PHLPP1: variants seen among roughly 807,000 people sequenced by gnomAD.
The protein encoded by PHLPP1 is PH domain leucine-rich repeat-containing protein phosphatase 1.
PHLPP1 carries 42 observed loss-of-function variants against 117.2 expected under a neutral mutation model. The ratio of observed to expected loss-of-function variants is 0.36; its 90% confidence interval spans 0.28 to 0.46. The LOEUF (loss-of-function observed/expected upper bound fraction) is 0.46, where lower values mean the gene tolerates loss of function less well. Ranked by LOEUF, PHLPP1 falls within the 20% of genes least tolerant of loss-of-function variation. The pLI is 1.00. For missense variants in PHLPP1, 2,084 were observed against 2,241.9 expected (o/e 0.93, Z 1.42); for synonymous variants, 1,042 against 970.7 (o/e 1.07, Z -1.37).
chr18:62,912,158 C>A (rs1443503790), intron 8 of PHLPP1, among the ~76,000 whole-genome samples: 4 of 89,698 alleles, frequency 4.5e-5, no homozygotes, highest in Non-Finnish European at 6.2e-5. Flanking sequence ...GTGGTGGGGT[C>A]GGGGGAGGGG....
At chr18:62,809,624 C>T (rs1009719853) in intron 1 of PHLPP1, among the ~76,000 whole-genome samples, 9 of 152,080 alleles carry the variant, frequency 5.9e-5, no homozygotes, top group Non-Finnish European at 1.2e-4. Context: ...ATCACTTGAA[C>T]CTGGGAGGCG....
intron 1 of PHLPP1, among the ~76,000 whole-genome samples, chr18:62,781,204 A>G (rs1913109450): frequency 6.6e-6 from 1 of 152,302 alleles, no homozygotes; most frequent in Non-Finnish European, 1.5e-5. Context: ...GCTTAAGTAA[A>G]TTAGATAAGG....
intron 11 of PHLPP1, among the ~76,000 whole-genome samples, chr18:62,942,628 G>A (rs1910161616): frequency 6.6e-6 from 1 of 152,078 alleles, no homozygotes; most frequent in Non-Finnish European, 1.5e-5. Flanking sequence ...GAGTGAATCT[G>A]CGTGCTGAGC....
intron 3 of PHLPP1, among the ~76,000 whole-genome samples, chr18:62,848,073 A>T (rs1006323293): frequency 6.6e-6 from 1 of 152,160 alleles, no homozygotes; most frequent in Non-Finnish European, 1.5e-5. Flanking sequence ...TGGTTCTCAG[A>T]TACTTTATCT....
At chr18:62,872,541 A>G (rs1915929974) in intron 4 of PHLPP1, among the ~76,000 whole-genome samples, 1 of 151,770 alleles carries the variant, frequency 6.6e-6, no homozygotes, top group Admixed American at 6.6e-5. Context: ...AAAACTACAA[A>G]AATTAGCCAG....
chr18:62,761,179 T>G (rs1345466653), intron 1 of PHLPP1, among the ~76,000 whole-genome samples: 2 of 152,154 alleles, frequency 1.3e-5, no homozygotes, highest in Non-Finnish European at 2.9e-5. Flanking sequence ...CTGGCATTTT[T>G]AATAACAATG....
chr18:62,717,129 C>T lies in PHLPP1; in HGVS notation c.1446C>T (p.Arg482=). 1.9e-6 allele frequency: 3 copies of T among 1,600,136 alleles called. No homozygotes were observed. In the Admixed American group the frequency reaches 5.2e-5, roughly 28 times the overall value. The change falls in exon 1 of 17, where the codon CGC becomes CGT. Residue 482 remains arginine (R), a synonymous_variant. Transcript: ENST00000262719. Reference sequence around the variant, plus strand: ...AGCTCCACGGAGAGACCACCCGGCGCTTGGAGGCGGAGGAGAAGCCATTGC... The same window carrying T: ...AGCTCCACGGAGAGACCACCCGGCGTTTGGAGGCGGAGGAGAAGCCATTGC... ...YVQLHGETTR[R]LEAEEKPLQI...
intron 1 of PHLPP1, among the ~76,000 whole-genome samples, chr18:62,763,407 G>A (rs974292214): frequency 1.3e-5 from 2 of 152,158 alleles, no homozygotes; most frequent in African/African-American, 4.8e-5. Context: ...AGGTTGAGTA[G>A]GCCCTGGACA....
At chr18:62,886,096 G>A (rs1011560540) in intron 4 of PHLPP1, among the ~76,000 whole-genome samples, 1 of 152,130 alleles carries the variant, frequency 6.6e-6, no homozygotes, top group Non-Finnish European at 1.5e-5. Flanking sequence ...ATAAACGTAC[G>A]GTGTCATTAT....
chr18:62,956,794 A>G (rs1910623661), intron 12 of PHLPP1, among the ~76,000 whole-genome samples: 1 of 152,138 alleles, frequency 6.6e-6, no homozygotes, highest in Non-Finnish European at 1.5e-5. Context: ...CATTGCTACT[A>G]TTTGGAAGCA....
In PHLPP1 at chr18:62,797,483, AAAG is replaced by A. The variant is rs1913658612; in HGVS notation, c.1577-32550_1577-32548del. Among the ~76,000 whole-genome samples, 5 of 152,350 alleles carry A rather than the reference AAAG, an allele frequency of 3.3e-5. No homozygotes were observed. In the South Asian group the frequency reaches 1.0e-3, roughly 32 times the overall value. ...CACTATATGGTAGGTGCTGTGGAAAAAAGAGAAGTAGGGCAGGGTAAGGAGGTG... is the reference window on the plus strand; with the variant it reads ...CACTATATGGTAGGTGCTGTGGAAAAAGAAGTAGGGCAGGGTAAGGAGGTG... On this transcript the variant is annotated intron_variant, in intron 1 of 16. Transcript: ENST00000262719.
chr18:62,715,797 G>T lies in PHLPP1; in HGVS notation c.114G>T (p.Ala38=), dbSNP rs1474661101. 2 of 774,578 alleles carry T rather than the reference G, an allele frequency of 2.6e-6. No homozygotes were observed. The highest frequency in any genetic ancestry group is 3.2e-6 in the Non-Finnish European group (2 of 628,110). 48.0% of individuals were successfully genotyped at this position (774,578 alleles called of 1,614,324 possible). The change falls in exon 1 of 17, where the codon GCG becomes GCT. Residue 38 remains alanine, a synonymous_variant. Transcript: ENST00000262719. ...CAGCAGCAGCAGCAGCGGCGGCCGC[G>T]GCGGCTCTGGCGGCGGCGGCCGGGG... is the stretch of plus-strand genomic sequence containing the variant. ...AAAAAAAAAA[A]AALAAAAGGG... is the part of the protein sequence containing the mutation.
At chr18:62,880,403 T>C (rs908065040) in intron 4 of PHLPP1, among the ~76,000 whole-genome samples, 2 of 152,238 alleles carry the variant, frequency 1.3e-5, no homozygotes, top group Non-Finnish European at 2.9e-5. Flanking sequence ...TATCTTTATG[T>C]GACTTGAGTG....
rs372297924 is a variant in PHLPP1, at chr18:62,972,725, C to T, written c.3755+17C>T. The stretch of plus-strand genomic sequence containing the variant: ...CATGCAAAGGTAAAACTCAGAGTTC[C>T]TGCTTACCTGCTGTGTGTTTTCTTG... On this transcript the variant is annotated intron_variant, in intron 15 of 16. Transcript: ENST00000262719. 7 of 1,553,212 alleles carry T rather than the reference C, an allele frequency of 4.5e-6. No individual in the cohort carries two copies. Among genetic ancestry groups the T allele is most frequent in the Non-Finnish European group, 6.2e-6 (7 of 1,127,422 alleles).
intron 16 of PHLPP1, among the ~76,000 whole-genome samples, chr18:62,977,701 T>C (rs1599150628): frequency 6.6e-6 from 1 of 152,240 alleles, no homozygotes; most frequent in Admixed American, 6.5e-5. Flanking sequence ...TCTGGACCTT[T>C]AGACACTACT....
At chr18:62,794,978 C>G (rs563597791) in intron 1 of PHLPP1, among the ~76,000 whole-genome samples, 1 of 152,230 alleles carries the variant, frequency 6.6e-6, no homozygotes, top group East Asian at 1.9e-4. Context: ...TGGGCTGACA[C>G]TGTGTATCCC....
chr18:62,828,008 T>TTG (rs34088259), intron 1 of PHLPP1, among the ~76,000 whole-genome samples: 9,736 of 146,666 alleles, frequency 0.066, 346 homozygotes, highest in Middle Eastern at 0.12. Flanking sequence ...TTCTTTGCAT[T>TTG]TGTGTGTGTG....
chr18:62,967,963 TCAGG>T (rs1225211074), intron 14 of PHLPP1, among the ~76,000 whole-genome samples: 3 of 152,106 alleles, frequency 2.0e-5, no homozygotes, highest in East Asian at 1.9e-4. Context: ...AGCTAGGATT[TCAGG>T]CATGCGCCAC....
chr18:62,852,456 G>C (rs191227042), intron 3 of PHLPP1, among the ~76,000 whole-genome samples: 1 of 152,178 alleles, frequency 6.6e-6, no homozygotes, highest in African/African-American at 2.4e-5. Flanking sequence ...CCATTCTCCT[G>C]CCTCAGCCTC....
Sources: allele counts gnomAD v4.1 joint callset (sites outside exome capture counted in the v4.1 genomes callset), GRCh38; gene constraint gnomAD v4.1.1; transcripts MANE v1.5; gene names NCBI Gene and HGNC (gene_info 2026-07-23, HGNC 2026-07-21).